The following OLA1 variants were observed in gnomAD, a reference collection of about 807,000 sequenced individuals.
OLA1 encodes the protein obg-like ATPase 1.
OLA1 carries 14 observed loss-of-function variants against 48.4 expected under a neutral mutation model. That is an observed-to-expected ratio of 0.29 (90% CI 0.19 to 0.45). OLA1 has a LOEUF of 0.45. OLA1 is among the 20% of genes least tolerant of loss of function. OLA1 has a pLI of 1.00. For synonymous variants in OLA1, 127 were observed against 150.4 expected, an observed-to-expected ratio of 0.84 and a Z score of 1.14; for missense variants, 325 against 467.1, an observed-to-expected ratio of 0.70 and a Z score of 2.80.
At chr2:174,114,341 CAAAAAAAAAA>C (rs76471043) in intron 7 of OLA1, among the ~76,000 whole-genome samples, 76 of 60,636 alleles carry the variant, frequency 1.3e-3, no homozygotes, top group African/African-American at 6.6e-3. Flanking sequence ...GACTCCGCCT[CAAAAAAAAAA>C]AAAAAAAAAA....
rs927359702 is a variant in OLA1, at chr2:174,214,382, T to C, written c.373+8651A>G. Among the ~76,000 whole-genome samples, 4 of 152,236 alleles carry C rather than the reference T, an allele frequency of 2.6e-5. No individual in the cohort carries two copies. The East Asian group carries it at 7.7e-4, about 29-fold the overall frequency. ...CTAACTAAGCAAAGTGCTATAAAAA[T>C]ATTCATTATTATAATTGTAAGTTGC... On this transcript the variant is annotated intron_variant, in intron 4 of 10. Transcript: ENST00000284719.
intron 7 of OLA1, among the ~76,000 whole-genome samples, chr2:174,087,173 C>T (rs1316287065): frequency 2.0e-5 from 3 of 151,810 alleles, no homozygotes; most frequent in Non-Finnish European, 1.5e-5. Context: ...ATTACAGGTG[C>T]CCGCCACCAC....
chr2:174,147,270 T>C (rs1686627330), intron 4 of OLA1, among the ~76,000 whole-genome samples: 1 of 151,914 alleles, frequency 6.6e-6, no homozygotes, highest in Non-Finnish European at 1.5e-5. Context: ...CTACTAAAAA[T>C]ACAAAACTAG....
At chr2:174,166,922 T>G (rs1230718659) in intron 4 of OLA1, among the ~76,000 whole-genome samples, 1 of 152,196 alleles carries the variant, frequency 6.6e-6, no homozygotes, top group Admixed American at 6.5e-5. Context: ...GTTCCCCTTC[T>G]TTCTCCTATA....
chr2:174,130,626 A>G (rs1402458037), intron 5 of OLA1, among the ~76,000 whole-genome samples: 1 of 152,206 alleles, frequency 6.6e-6, no homozygotes, highest in Non-Finnish European at 1.5e-5. Flanking sequence ...ATTCCTGAAA[A>G]TAAGTTTGAA....
intron 4 of OLA1, among the ~76,000 whole-genome samples, chr2:174,213,151 T>C (rs10192561): frequency 0.11 from 16,702 of 152,178 alleles, 1,354 homozygotes; most frequent in African/African-American, 0.22. Flanking sequence ...ATAAATTATA[T>C]TTGAAATTTT....
chr2:174,227,102 AAAAG>A (rs570496064), intron 3 of OLA1, among the ~76,000 whole-genome samples: 5 of 151,854 alleles, frequency 3.3e-5, no homozygotes, highest in Non-Finnish European at 5.9e-5. Context: ...TTTAAAAAAA[AAAAG>A]AAAGAAAGAA....
chr2:174,076,048 G>A (rs1410009323), intron 10 of OLA1, among the ~76,000 whole-genome samples: 2 of 152,164 alleles, frequency 1.3e-5, no homozygotes, highest in Non-Finnish European at 2.9e-5. Flanking sequence ...TTAAAATTTA[G>A]TCTTGACAAT....
intron 7 of OLA1, among the ~76,000 whole-genome samples, chr2:174,121,184 G>C (rs1685906412): frequency 6.6e-6 from 1 of 152,126 alleles, no homozygotes. Context: ...CAAAGGCTAT[G>C]TTGCATAAAC....
intron 4 of OLA1, among the ~76,000 whole-genome samples, chr2:174,186,964 A>C (rs1687669794): frequency 6.6e-6 from 1 of 152,160 alleles, no homozygotes; most frequent in East Asian, 1.9e-4. Context: ...AAAAATACCA[A>C]ATAAAGCTAA....
chr2:174,246,949 AAC>A (rs1333084975), intron 1 of OLA1, 134 bp from the exon 2 acceptor site: 1 of 482,210 alleles, frequency 2.1e-6, no homozygotes, highest in Non-Finnish European at 3.7e-6. Context: ...ATCCAAAACT[AAC>A]ACAGAGCTAA....
intron 4 of OLA1, among the ~76,000 whole-genome samples, chr2:174,209,835 C>A (rs570244678): frequency 6.6e-6 from 1 of 152,186 alleles, no homozygotes; most frequent in Non-Finnish European, 1.5e-5. Context: ...GGGATCTATC[C>A]TTCAGAACTA....
At chr2:174,209,387 T>C (rs1202849151) in intron 4 of OLA1, among the ~76,000 whole-genome samples, 1 of 152,188 alleles carries the variant, frequency 6.6e-6, no homozygotes, top group African/African-American at 2.4e-5. Context: ...TGGCCACTTA[T>C]CACATGCTGT....
intron 4 of OLA1, among the ~76,000 whole-genome samples, chr2:174,214,879 G>A (rs1040766213): frequency 4.6e-5 from 7 of 151,766 alleles, no homozygotes; most frequent in East Asian, 1.9e-4. Context: ...ATGAAACCCC[G>A]TCTCTACTAA....
At chr2:174,202,355 T>G (rs1688008930) in intron 4 of OLA1, among the ~76,000 whole-genome samples, 1 of 152,202 alleles carries the variant, frequency 6.6e-6, no homozygotes, top group Non-Finnish European at 1.5e-5. Context: ...CCTGTTGCTA[T>G]TGGGATGAGC....
chr2:174,081,080 A>T, intron 9 of OLA1, 72 bp downstream of exon 9: 2 of 1,303,894 alleles, frequency 1.5e-6, no homozygotes, highest in Non-Finnish European at 1.1e-6. Flanking sequence ...GACAAACTTC[A>T]AAGTCAGTGA....
At chr2:174,208,468 A>G (rs1417858337) in intron 4 of OLA1, among the ~76,000 whole-genome samples, 1 of 152,156 alleles carries the variant, frequency 6.6e-6, no homozygotes, top group African/African-American at 2.4e-5. Context: ...CATCTTTGCT[A>G]TTCATGACTC....
At chr2:174,222,791 A>G (rs1355134436) in intron 4 of OLA1, among the ~76,000 whole-genome samples, 1 of 152,226 alleles carries the variant, frequency 6.6e-6, no homozygotes, top group African/African-American at 2.4e-5. Context: ...CTAATCCAGA[A>G]CAGGGAATAA....
At chr2:174,193,770 T>G (rs954109130) in intron 4 of OLA1, among the ~76,000 whole-genome samples, 1 of 152,216 alleles carries the variant, frequency 6.6e-6, no homozygotes, top group African/African-American at 2.4e-5. Flanking sequence ...TCTATTCTTT[T>G]TTCCTCTCCT....
Sources: gnomAD v4.1 joint callset for allele counts (sites outside exome capture counted in the v4.1 genomes callset) on GRCh38, gnomAD v4.1.1 for gene constraint, MANE v1.5 for transcripts, NCBI Gene and HGNC (gene_info 2026-07-23, HGNC 2026-07-21) for gene names.